POLR3A: variants seen among roughly 807,000 people sequenced by gnomAD.
POLR3A encodes RNA polymerase III subunit A.
A neutral mutation model predicts 152.8 loss-of-function variants in POLR3A; 112 were observed. The observed-to-expected ratio is 0.73, with a 90% CI of 0.63 to 0.86. The LOEUF is 0.86. Among genes scored for constraint, POLR3A ranks in the 40% least tolerant of loss-of-function variants. The pLI, the probability that POLR3A is intolerant of heterozygous loss-of-function variation, is 0.00. For synonymous variants in POLR3A, 615 were observed against 652.1 expected (o/e 0.94, Z 0.87); for missense variants, 1,385 against 1,743.1 (o/e 0.79, Z 3.66).
intron 16 of POLR3A, among the ~76,000 whole-genome samples, chr10:78,002,542 T>C (rs147905732): frequency 6.6e-6 from 1 of 152,172 alleles, no homozygotes; most frequent in African/African-American, 2.4e-5. Flanking sequence ...TTTTTTTTGT[T>C]TTTGTTGGAG....
At chr10:78,024,288 T>A (rs1476151820) in intron 5 of POLR3A, among the ~76,000 whole-genome samples, 1 of 147,852 alleles carries the variant, frequency 6.8e-6, no homozygotes, top group Non-Finnish European at 1.5e-5. Flanking sequence ...CGTTTTAACC[T>A]GGGATGCACA....
Position 78,029,472 on chromosome 10 carries a change from G to T in POLR3A, c.-65C>A. ...CCAGATTAGAGAAACGATGCCCCCA[G>T]CACCTCCTGGGGCTGCTTCTGGACT... On this transcript the variant is annotated 5_prime_UTR_variant, in exon 1 of 31. In the 5' UTR this introduces an upstream ATG that the reference lacks. Coordinates refer to ENST00000372371, the MANE Select transcript of POLR3A (RefSeq NM_007055.4). 1 of 1,549,242 alleles carries T rather than the reference G, an allele frequency of 6.5e-7. No homozygotes were observed. The highest frequency in any genetic ancestry group is 8.9e-7 in the Non-Finnish European group (1 of 1,123,024).
chr10:77,981,407 G>C (rs767164221), intron 29 of POLR3A, 21 bp downstream of exon 29: 2 of 1,611,384 alleles, frequency 1.2e-6, no homozygotes, highest in Non-Finnish European at 1.7e-6. Flanking sequence ...CAGGCAGCCC[G>C]GGGGCCTCCT....
intron 19 of POLR3A, among the ~76,000 whole-genome samples, chr10:77,998,430 C>T (rs1432830657): frequency 6.6e-6 from 1 of 152,192 alleles, no homozygotes; most frequent in South Asian, 2.1e-4. Context: ...CATCCAGAAT[C>T]TACAATGAAC....
chr10:78,029,317 C>A, intron 1 of POLR3A, 47 bp downstream of exon 1: 2 of 1,600,446 alleles, frequency 1.2e-6, no homozygotes, highest in Non-Finnish European at 1.7e-6. Context: ...GACCTCGGAC[C>A]CCTTGCCCTA....
rs1847366564 is a variant in POLR3A at position 78,002,440 on chromosome 10, CAG to C, written c.2248-134_2248-133del. 5.2e-5 allele frequency: 38 copies of C among 731,292 alleles called. No individual in the cohort carries two copies. The South Asian group carries it at 5.8e-4, about 11-fold the overall frequency. The allele number at this position is 731,292 out of a possible 1,614,324, so 45.3% of individuals were successfully genotyped here. ...CCCGATTTCCGATCAGTAAATGTTT[CAG>C]AACCTTAGAGGAGCAAAATGCCCTG... On this transcript the variant is annotated intron_variant, in intron 16 of 30. Transcript: ENST00000372371.
intron 21 of POLR3A, among the ~76,000 whole-genome samples, chr10:77,990,238 A>G (rs1321335857): frequency 6.6e-6 from 1 of 152,170 alleles, no homozygotes; most frequent in Non-Finnish European, 1.5e-5. Context: ...GAACCAAAAA[A>G]CCTTAAGAGG....
intron 6 of POLR3A, 23 bp downstream of exon 6, chr10:78,022,122 A>G (rs1253076096): frequency 6.2e-7 from 1 of 1,614,092 alleles, no homozygotes; most frequent in Non-Finnish European, 8.5e-7. Flanking sequence ...TATGAAACTT[A>G]CAAGGAAATG....
In POLR3A at chr10:77,977,401, G is replaced by T; in HGVS notation, c.*77C>A. ...GGGACCTCAGGACCCCCGTCCCAGG[G>T]AGCACAAAACTCTTTATACATCAGC... On this transcript the variant is annotated 3_prime_UTR_variant, in exon 31 of 31. Transcript: ENST00000372371. 1.3e-6 allele frequency: 2 copies of T among 1,504,676 alleles called. No homozygotes were observed. The highest frequency in any genetic ancestry group is 1.8e-6 in the Non-Finnish European group (2 of 1,081,806). 93.2% of individuals were successfully genotyped at this position (1,504,676 alleles called of 1,614,324 possible).
intron 30 of POLR3A, 22 bp from the exon 31 acceptor site, chr10:77,977,648 A>G (rs1369060168): frequency 3.1e-6 from 5 of 1,605,174 alleles, no homozygotes. Context: ...CAGAATGAAC[A>G]TCAGAGAGCC....
chr10:78,025,917 C>A (rs1847629546), intron 2 of POLR3A, among the ~76,000 whole-genome samples, 158 bp from the exon 3 acceptor site: 1 of 152,194 alleles, frequency 6.6e-6, no homozygotes, highest in Non-Finnish European at 1.5e-5. Flanking sequence ...TTCTAATTTT[C>A]ATGACTCAGA....
chr10:78,018,232 G>A (rs1401211511), intron 9 of POLR3A, among the ~76,000 whole-genome samples: 1 of 151,526 alleles, frequency 6.6e-6, no homozygotes, highest in Non-Finnish European at 1.5e-5. Context: ...CGGATGTGGT[G>A]GCTCATGGCT....
At chr10:77,980,299 G>A in intron 29 of POLR3A, 26 bp from the exon 30 acceptor site, 1 of 1,613,078 alleles carries the variant, frequency 6.2e-7, no homozygotes, top group Non-Finnish European at 8.5e-7. Context: ...AAGAGTCACG[G>A]TGGTACTCAC....
At chr10:77,977,891 C>G (rs1847105059) in intron 30 of POLR3A, among the ~76,000 whole-genome samples, 1 of 152,134 alleles carries the variant, frequency 6.6e-6, no homozygotes, top group African/African-American at 2.4e-5. Context: ...TCCTCCAGTT[C>G]TCCTCTCCCA....
chr10:77,993,324 T>A lies in POLR3A; in HGVS notation c.2660A>T (p.Asp887Val), dbSNP rs1467597625. 7.4e-6 allele frequency: 12 copies of A among 1,613,574 alleles called. No individual in the cohort carries two copies. Among genetic ancestry groups the A allele is most frequent in the Non-Finnish European group, 1.0e-5 (12 of 1,179,558 alleles). The change falls in exon 20 of 31, where the codon GAT becomes GTT. Residue 887 changes from aspartate (D) to valine (V), a missense_variant. By Grantham distance (152) the Asp-to-Val change is radical (BLOSUM62 -3). Coordinates refer to ENST00000372371, the MANE Select transcript of POLR3A (RefSeq NM_007055.4). ...KSLEDLCSQY[D>V]LTVRSSTGDI... ...GCCAGTAGAGCTTCGGACTGTCAGATCATACTGGGAGCAAAGATCTTCAAG... is the reference window on the plus strand; with the variant it reads ...GCCAGTAGAGCTTCGGACTGTCAGAACATACTGGGAGCAAAGATCTTCAAG...
rs1390760256 is a variant in POLR3A at position 78,025,657 on chromosome 10, C to T, written c.283G>A (p.Val95Ile). 1 of 1,614,058 alleles carries T rather than the reference C, an allele frequency of 6.2e-7. No individual in the cohort carries two copies. The highest frequency in any genetic ancestry group is 1.3e-5 in the African/African-American group (1 of 74,920). Reference sequence around the variant, plus strand: ...CCTATGACTGCTCTGAAGTACCCTACATGAAAACACGGCAACTCCAGGTCG... The same window carrying T: ...CCTATGACTGCTCTGAAGTACCCTATATGAAAACACGGCAACTCCAGGTCG... ...YIDLELPCFH[V>I]GYFRAVIGIL... The change falls in exon 3 of 31, where the codon GTA (valine) becomes ATA (isoleucine). Residue 95 changes from valine to isoleucine, a missense_variant. Coordinates refer to ENST00000372371, the MANE Select transcript of POLR3A (RefSeq NM_007055.4).
At chr10:77,977,777 C>A in intron 30 of POLR3A, 151 bp from the exon 31 acceptor site, 1 of 724,320 alleles carries the variant, frequency 1.4e-6, no homozygotes, top group Middle Eastern at 2.4e-4. Flanking sequence ...CTTTCCTTCC[C>A]ATCTAAAAAG....
Position 77,982,180 on chromosome 10 carries a change from G to C in POLR3A, c.3733C>G (p.Arg1245Gly). ...VMATHGVKGT[R>G]TTSNNTYEVE... ...TCATAGGTGTTATTGGAGGTGGTTC[G>C]GGTGCCCTTCACACCGTGTGTGGCC... is the stretch of plus-strand genomic sequence containing the variant. Residue 1245 changes from arginine (R) to glycine (G), a missense_variant, in exon 28 of 31, where the codon CGA (arginine) becomes GGA (glycine). Physicochemically the swap from Arg to Gly is moderately radical, Grantham distance 125 (BLOSUM62 -2). Coordinates refer to ENST00000372371, the MANE Select transcript of POLR3A (RefSeq NM_007055.4). 1 of 1,613,970 alleles carries C rather than the reference G, an allele frequency of 6.2e-7. No individual in the cohort carries two copies. Among genetic ancestry groups the C allele is most frequent in the African/African-American group, 1.3e-5 (1 of 74,992 alleles).
rs928008172 is a variant in POLR3A at position 77,976,350 on chromosome 10, G to C, written c.*1128C>G. On this transcript the variant is annotated 3_prime_UTR_variant, in exon 31 of 31. Coordinates refer to ENST00000372371, the MANE Select transcript of POLR3A (RefSeq NM_007055.4). The stretch of plus-strand genomic sequence containing the variant: ...TCGTCATGTTGCCCAGGCTGCTCTC[G>C]AACTCCTGGGCTCAAGTGATCTGCC... 5.3e-5 allele frequency: 8 copies of C among 151,992 alleles called. No individual in the cohort carries two copies. Among genetic ancestry groups the C allele is most frequent in the Non-Finnish European group, 1.0e-4 (7 of 68,046 alleles). The allele number at this position is 151,992 out of a possible 1,614,324, so 9.4% of individuals were successfully genotyped here.
Sources: allele counts gnomAD v4.1 joint callset (sites outside exome capture counted in the v4.1 genomes callset), GRCh38; gene constraint gnomAD v4.1.1; transcripts MANE v1.5; gene names NCBI Gene and HGNC (gene_info 2026-07-23, HGNC 2026-07-21).